RNF149: variants seen among roughly 807,000 people sequenced by gnomAD.
RNF149 encodes ring finger protein 149.
RNF149 carries 21 observed loss-of-function variants against 39.0 expected under a neutral mutation model. The ratio of observed to expected loss-of-function variants is 0.54; its 90% CI spans 0.38 to 0.77. RNF149 has a LOEUF of 0.77. Among genes scored for constraint, RNF149 ranks in the 30% least tolerant of loss-of-function variants. The pLI, the probability that RNF149 is intolerant of heterozygous loss-of-function variation, is 0.00. For synonymous variants in RNF149, 209 were observed against 213.6 expected (o/e 0.98, Z 0.19); for missense variants, 493 against 534.9 (o/e 0.92, Z 0.77).
At position 101,276,247 on chromosome 2, in the gene RNF149, CT is replaced by C. The variant is rs1403129662; in HGVS notation, c.*990del. On this transcript the variant is annotated 3_prime_UTR_variant, in exon 7 of 7. Transcript: ENST00000295317. Reference sequence around the variant, plus strand: ...AAATAGCAGAGTGTGTGTTTAATCACTTTTTAACACTTAGCAGTCTCCAAAA... The same window carrying C: ...AAATAGCAGAGTGTGTGTTTAATCACTTTTAACACTTAGCAGTCTCCAAAA... The C allele has an allele frequency of 6.1e-6, 6 of 985,286 alleles. No homozygotes were observed. The highest frequency in any genetic ancestry group is 1.7e-5 in the African/African-American group (1 of 57,228). 61.0% of individuals were successfully genotyped at this position (985,286 alleles called of 1,614,324 possible).
At chr2:101,298,067 A>G (rs536739368) in intron 1 of RNF149, among the ~76,000 whole-genome samples, 17 of 152,364 alleles carry the variant, frequency 1.1e-4, no homozygotes, top group Admixed American at 2.6e-4. Context: ...AAAAGTCCAT[A>G]TCTCTTTGGC....
At chr2:101,293,418 C>T (rs1683096065) in intron 3 of RNF149, among the ~76,000 whole-genome samples, 1 of 152,164 alleles carries the variant, frequency 6.6e-6, no homozygotes, top group Non-Finnish European at 1.5e-5. Context: ...CAACAGTTTT[C>T]CTTTTAAGGC....
intron 1 of RNF149, among the ~76,000 whole-genome samples, chr2:101,307,021 A>T (rs1683689246): frequency 1.3e-5 from 2 of 152,216 alleles, no homozygotes; most frequent in Non-Finnish European, 2.9e-5. Flanking sequence ...ATCTTACATA[A>T]CAGAGTATGT....
rs148821418 is a variant in RNF149, at chr2:101,294,573, C to T, written c.711+358G>A. The T allele has an allele frequency of 4.6e-3, 990 of 214,906 alleles. 4 individuals are homozygous for T. Among genetic ancestry groups the T allele is most frequent in the African/African-American group, 0.022 (936 of 42,700 alleles). The allele number at this position is 214,906 out of a possible 1,614,324, so 13.3% of individuals were successfully genotyped here. ...CCTTGGGAAGCCACTGGCTCTCTGA[C>T]GGCCCTTCTCTTTGCTGTCACTGAG... is the stretch of plus-strand genomic sequence containing the variant. On this transcript the variant is annotated intron_variant, in intron 2 of 6. Coordinates refer to ENST00000295317, the MANE Select transcript of RNF149 (RefSeq NM_173647.4).
In RNF149 at chr2:101,276,073, T is replaced by C. The variant is rs909692485; in HGVS notation, c.*1165A>G. On this transcript the variant is annotated 3_prime_UTR_variant, in exon 7 of 7. Coordinates refer to ENST00000295317, the MANE Select transcript of RNF149 (RefSeq NM_173647.4). Reference sequence around the variant, plus strand: ...TCCTACATATGGCTATAAAAATAAATTTATAATTTTAAAAATTGTTTTAAA... The same window carrying C: ...TCCTACATATGGCTATAAAAATAAACTTATAATTTTAAAAATTGTTTTAAA... 2.3e-6 allele frequency: 2 copies of C among 864,844 alleles called. No homozygotes were observed. Among genetic ancestry groups the C allele is most frequent in the Non-Finnish European group, 2.8e-6 (2 of 720,318 alleles). 53.6% of individuals were successfully genotyped at this position (864,844 alleles called of 1,614,324 possible).
downstream of RNF149, chr2:101,273,476 C>CTTTTT (rs937334137): frequency 2.3e-5 from 8 of 350,654 alleles, no homozygotes; most frequent in African/African-American, 1.4e-4. Flanking sequence ...ATATTTGTTT[C>CTTTTT]TTTTTTTTTT....
chr2:101,272,076 T>A (rs140439988), downstream of RNF149, among the ~76,000 whole-genome samples: 336 of 152,354 alleles, frequency 2.2e-3, 2 homozygotes, highest in African/African-American at 7.8e-3. Context: ...TGTTAAAATT[T>A]CAGCACCCTC....
rs1682320756 is a variant in RNF149 at position 101,275,689 on chromosome 2, C to T, written c.*1549G>A. The T allele has an allele frequency of 2.4e-5, 8 of 327,918 alleles. No homozygotes were observed. The highest frequency in any genetic ancestry group is 3.5e-5 in the Non-Finnish European group (8 of 229,462). The allele number at this position is 327,918 out of a possible 1,614,324, so 20.3% of individuals were successfully genotyped here. ...ATCTCCTGACCTCGTGATCCGCCCG[C>T]CTCGGCCTCCCAAAGTGCTGGGATT... On this transcript the variant is annotated 3_prime_UTR_variant, in exon 7 of 7. Transcript: ENST00000295317.
At chr2:101,298,871 T>C (rs533670675) in intron 1 of RNF149, among the ~76,000 whole-genome samples, 3 of 152,304 alleles carry the variant, frequency 2.0e-5, no homozygotes, top group South Asian at 4.1e-4. Context: ...AAATAACTTT[T>C]AGGCATGGTG....
At chr2:101,275,427 A>ATTT (rs1682301916), downstream of RNF149, among the ~76,000 whole-genome samples, 4 of 26,828 alleles carry the variant, frequency 1.5e-4, no homozygotes, top group Admixed American at 9.9e-4. Flanking sequence ...CTCCCCTAGT[A>ATTT]TTTCTTTTTT....
In RNF149 at chr2:101,308,608, C is replaced by CT; in HGVS notation, c.-21dup. ...CGCCATGGCAGCACCGCTGAGCTGA[C>CT]TAGGGGGAGTCAGGGTCACGCGCGA... On this transcript the variant is annotated 5_prime_UTR_variant, in exon 1 of 7. Transcript: ENST00000295317. 1 of 1,505,642 alleles carries CT rather than the reference C, an allele frequency of 6.6e-7. No individual in the cohort carries two copies. Among genetic ancestry groups the CT allele is most frequent in the Non-Finnish European group, 8.8e-7 (1 of 1,136,654 alleles). The allele number at this position is 1,505,642 out of a possible 1,614,324, so 93.3% of individuals were successfully genotyped here.
At chr2:101,294,814 C>T (rs1683155607) in intron 2 of RNF149, 117 bp downstream of exon 2, 1 of 913,470 alleles carries the variant, frequency 1.1e-6, no homozygotes, top group Admixed American at 2.7e-5. Context: ...ATGTTGAATA[C>T]TTAAATAATA....
At chr2:101,297,744 C>T (rs975194068) in intron 1 of RNF149, among the ~76,000 whole-genome samples, 5 of 152,152 alleles carry the variant, frequency 3.3e-5, no homozygotes, top group African/African-American at 9.7e-5. Flanking sequence ...AAGTCAGTGG[C>T]TTTTAGTGGA....
At position 101,295,169 on chromosome 2, in the gene RNF149, A is replaced by G. The variant is rs1333180039; in HGVS notation, c.473T>C (p.Ile158Thr). Residue 158 changes from isoleucine to threonine, a missense_variant, in exon 2 of 7, where the codon ATA becomes ACA. By Grantham distance (89) the Ile-to-Thr change is moderately conservative (BLOSUM62 -1). Transcript: ENST00000295317. ...LPMSHAGTGN[I>T]VVIMISYPKG... is the part of the protein sequence containing the mutation. The stretch of plus-strand genomic sequence containing the variant: ...TGGATAGCTAATCATAATGACCACT[A>G]TATTTCCTGTTCCTGTAGGAAAGAA... 3.1e-6 allele frequency: 5 copies of G among 1,613,260 alleles called. No individual in the cohort carries two copies. The highest frequency in any genetic ancestry group is 1.3e-5 in the African/African-American group (1 of 74,910).
downstream of RNF149, among the ~76,000 whole-genome samples, chr2:101,273,519 C>T (rs1682220956): frequency 6.8e-6 from 1 of 147,254 alleles, no homozygotes. Context: ...CTTGCCCAGG[C>T]TGGAGTACAG....
chr2:101,272,362 T>C (rs1033921937), downstream of RNF149, among the ~76,000 whole-genome samples: 10 of 152,202 alleles, frequency 6.6e-5, no homozygotes, highest in Non-Finnish European at 2.9e-5. Context: ...ACAACTTTGC[T>C]GTACAAAGAG....
intron 1 of RNF149, 93 bp downstream of exon 1, chr2:101,308,036 G>T: frequency 6.7e-7 from 1 of 1,498,948 alleles, no homozygotes; most frequent in Non-Finnish European, 8.9e-7. Context: ...TGCCAGGCCC[G>T]CTTCGCGGCC....
At chr2:101,283,276 C>T (rs1682661641) in intron 5 of RNF149, among the ~76,000 whole-genome samples, 1 of 152,204 alleles carries the variant, frequency 6.6e-6, no homozygotes. Context: ...CCCTACCAGT[C>T]CAGAAAGTGA....
At chr2:101,300,139 A>C (rs1182455218) in intron 1 of RNF149, among the ~76,000 whole-genome samples, 1 of 152,212 alleles carries the variant, frequency 6.6e-6, no homozygotes, top group Non-Finnish European at 1.5e-5. Flanking sequence ...GGGTGGAGGG[A>C]AATCTCCCCA....
Sources: gnomAD v4.1 joint callset for allele counts (sites outside exome capture counted in the v4.1 genomes callset) on GRCh38, gnomAD v4.1.1 for gene constraint, MANE v1.5 for transcripts, NCBI Gene and HGNC (gene_info 2026-07-23, HGNC 2026-07-21) for gene names.